The following MRPS28 variants were observed in gnomAD, a reference collection of about 807,000 sequenced individuals.
MRPS28 encodes small ribosomal subunit protein bS1m.
In MRPS28, 7 loss-of-function variants were observed where a neutral mutation model predicts 10.8. The observed-to-expected ratio is 0.65, with a 90% CI of 0.37 to 1.22. MRPS28 has a LOEUF of 1.22. Among genes scored for constraint, MRPS28 ranks in the 50% most tolerant of loss-of-function variants. The probability of loss-of-function intolerance (pLI) is 0.02; values close to 1 mark genes in which losing one functional copy is unlikely to be tolerated. For synonymous variants in MRPS28, 121 were observed against 93.3 expected, an observed-to-expected ratio of 1.30 and a Z score of -1.71; for missense variants, 265 against 232.9, an observed-to-expected ratio of 1.14 and a Z score of -0.90.
intron 1 of MRPS28, among the ~76,000 whole-genome samples, chr8:80,018,074 G>C (rs531476550): frequency 6.6e-6 from 1 of 152,136 alleles, no homozygotes; most frequent in Non-Finnish European, 1.5e-5. Context: ...CGGATCACAA[G>C]GTCAGGATAT....
chr8:80,005,098 A>T (rs1389163050), intron 1 of MRPS28, among the ~76,000 whole-genome samples: 1 of 152,206 alleles, frequency 6.6e-6, no homozygotes, highest in Non-Finnish European at 1.5e-5. Context: ...CCAATCTAGC[A>T]AGGCAGGCCA....
intron 2 of MRPS28, among the ~76,000 whole-genome samples, chr8:79,959,168 A>G (rs781602606): frequency 2.0e-5 from 3 of 152,108 alleles, no homozygotes; most frequent in Admixed American, 6.6e-5. Flanking sequence ...ATGACATTCT[A>G]TTGCTAACCG....
intron 2 of MRPS28, among the ~76,000 whole-genome samples, chr8:79,983,995 A>T (rs568609243): frequency 0.017 from 2,627 of 152,268 alleles, 76 homozygotes; most frequent in African/African-American, 0.058. Flanking sequence ...AGTTGAAATG[A>T]AGGAAAAAAT....
chr8:79,983,571 G>A (rs1419261885), intron 2 of MRPS28, among the ~76,000 whole-genome samples: 3 of 152,200 alleles, frequency 2.0e-5, no homozygotes, highest in African/African-American at 7.2e-5. Flanking sequence ...ATACAGAGAA[G>A]TGCTTAAAGG....
At chr8:79,954,412 C>T (rs1481596962) in intron 2 of MRPS28, among the ~76,000 whole-genome samples, 1 of 152,064 alleles carries the variant, frequency 6.6e-6, no homozygotes, top group Non-Finnish European at 1.5e-5. Flanking sequence ...ACATAACAGA[C>T]TGTATTCTGC....
chr8:80,014,511 C>A (rs1259011790), intron 1 of MRPS28, among the ~76,000 whole-genome samples: 4 of 152,178 alleles, frequency 2.6e-5, no homozygotes, highest in African/African-American at 9.7e-5. Context: ...GAAGTCTGGC[C>A]ACATGGCTTG....
At chr8:79,994,569 T>C (rs1563537116) in intron 2 of MRPS28, among the ~76,000 whole-genome samples, 2 of 152,108 alleles carry the variant, frequency 1.3e-5, no homozygotes, top group Admixed American at 1.3e-4. Flanking sequence ...AACTGCTAAA[T>C]GTGTCTCCTT....
chr8:80,009,564 C>A (rs536047869), intron 1 of MRPS28, among the ~76,000 whole-genome samples: 11 of 151,666 alleles, frequency 7.3e-5, no homozygotes, highest in African/African-American at 2.7e-4. Flanking sequence ...TACGGTGAGC[C>A]GAGATCACGC....
intron 2 of MRPS28, among the ~76,000 whole-genome samples, chr8:79,927,877 C>CA (rs1289018503): frequency 6.6e-6 from 1 of 152,158 alleles, no homozygotes; most frequent in Admixed American, 6.5e-5. Flanking sequence ...ATAAAAGAAT[C>CA]AGACCCATGC....
intron 2 of MRPS28, among the ~76,000 whole-genome samples, chr8:79,953,204 A>G (rs1238483873): frequency 6.6e-6 from 1 of 152,132 alleles, no homozygotes; most frequent in East Asian, 1.9e-4. Context: ...AAAAAATACA[A>G]TGCCACTCCA....
intron 1 of MRPS28, among the ~76,000 whole-genome samples, chr8:80,027,790 C>G (rs1809528998): frequency 6.6e-6 from 1 of 152,218 alleles, no homozygotes; most frequent in Admixed American, 6.5e-5. Context: ...ACCAAGATGT[C>G]AAAGACTTGT....
intron 2 of MRPS28, among the ~76,000 whole-genome samples, chr8:79,983,329 C>T (rs566824857): frequency 0.012 from 1,763 of 152,186 alleles, 38 homozygotes; most frequent in African/African-American, 0.04. Flanking sequence ...GGGGAAAAAA[C>T]AGAGCAGAAA....
At chr8:79,991,422 GATAA>G (rs1318099044) in intron 2 of MRPS28, among the ~76,000 whole-genome samples, 1 of 152,144 alleles carries the variant, frequency 6.6e-6, no homozygotes, top group African/African-American at 2.4e-5. Context: ...GCAGCCACTT[GATAA>G]ATGTTTACTG....
At chr8:79,997,299 C>T (rs1453290693) in intron 2 of MRPS28, among the ~76,000 whole-genome samples, 1 of 152,118 alleles carries the variant, frequency 6.6e-6, no homozygotes, top group South Asian at 2.1e-4. Flanking sequence ...TACATGTACA[C>T]AGCAAAAATA....
At chr8:79,958,601 C>T (rs913244373) in intron 2 of MRPS28, among the ~76,000 whole-genome samples, 2 of 151,964 alleles carry the variant, frequency 1.3e-5, no homozygotes, top group African/African-American at 4.8e-5. Flanking sequence ...GTAAAAAGGG[C>T]TGTCCTGAGC....
In MRPS28 at chr8:80,003,758, G is replaced by A. The variant is rs559737714; in HGVS notation, c.214-578C>T. On this transcript the variant is annotated intron_variant, in intron 1 of 2. Transcript: ENST00000276585. Reference sequence around the variant, plus strand: ...CTAGCCAAGGGAAGCTGTGACAGACGGCACCTGGAAAATCGGGTCACTCCC... The same window carrying A: ...CTAGCCAAGGGAAGCTGTGACAGACAGCACCTGGAAAATCGGGTCACTCCC... Among the ~76,000 whole-genome samples, 33 of 152,268 alleles carry A rather than the reference G, an allele frequency of 2.2e-4. No homozygotes were observed. The South Asian group carries it at 5.8e-3, about 27-fold the overall frequency.
intron 2 of MRPS28, among the ~76,000 whole-genome samples, chr8:79,969,236 GATA>G (rs954627137): frequency 6.6e-6 from 1 of 152,100 alleles, no homozygotes; most frequent in African/African-American, 2.4e-5. Flanking sequence ...GATGACTGAG[GATA>G]ATGTACTAAA....
chr8:79,925,017 T>C (rs946537075), intron 2 of MRPS28, among the ~76,000 whole-genome samples: 1 of 152,158 alleles, frequency 6.6e-6, no homozygotes, highest in African/African-American at 2.4e-5. Flanking sequence ...CTATCTGTAC[T>C]GTACACCATC....
chr8:80,008,971 C>T (rs1363446272), intron 1 of MRPS28, among the ~76,000 whole-genome samples: 2 of 152,208 alleles, frequency 1.3e-5, no homozygotes, highest in Admixed American at 6.5e-5. Context: ...AACACACATG[C>T]ACACATATGT....
Sources: gnomAD v4.1 joint callset for allele counts (sites outside exome capture counted in the v4.1 genomes callset) on GRCh38, gnomAD v4.1.1 for gene constraint, MANE v1.5 for transcripts, NCBI Gene and HGNC (gene_info 2026-07-23, HGNC 2026-07-21) for gene names.